APC: variants seen among roughly 807,000 people sequenced by gnomAD.
APC encodes APC regulator of Wnt signaling pathway.
In APC, 72 loss-of-function variants were observed where a neutral mutation model predicts 247.0. The observed-to-expected ratio is 0.29, with a 90% confidence interval of 0.24 to 0.35. The LOEUF is 0.35. Among genes scored for constraint, APC ranks in the 10% least tolerant of loss-of-function variants. APC has a pLI of 1.00. For missense variants in APC, 3,400 were observed against 3,360.7 expected (o/e 1.01, Z -0.29); for synonymous variants, 1,254 against 1,162.5 (o/e 1.08, Z -1.60).
In APC at chr5:112,841,824, C is replaced by T. The variant is rs755022193; in HGVS notation, c.6230C>T (p.Thr2077Ile). The T allele has an allele frequency of 3.7e-6, 6 of 1,613,894 alleles. No homozygotes were observed. Among genetic ancestry groups the T allele is most frequent in the East Asian group, 2.2e-5 (1 of 44,870 alleles). ...GGTGGCATATTAGGTGAAGATCTGA[C>T]ACTTGATTTGAAAGATATACAGAGA... ...NMGGILGEDL[T>I]LDLKDIQRPD... Residue 2077 changes from threonine (T) to isoleucine (I), a missense_variant, in exon 16 of 16, where the codon ACA (threonine) becomes ATA (isoleucine). Physicochemically the swap from Thr to Ile is moderately conservative, Grantham distance 89. Transcript: ENST00000257430. This position sits in a 1 kb window ranked among gnomAD's most constrained non-coding sequence, Gnocchi z 4.6.
intron 7 of APC, 65 bp downstream of exon 7, chr5:112,792,594 A>G: frequency 1.7e-6 from 2 of 1,192,234 alleles, no homozygotes; most frequent in Non-Finnish European, 1.2e-6. Flanking sequence ...AAAAGAAAAC[A>G]TGTATAATTT....
chr5:112,819,543 C>G (rs535600293), intron 10 of APC, among the ~76,000 whole-genome samples, 199 bp downstream of exon 10: 10 of 152,238 alleles, frequency 6.6e-5, no homozygotes, highest in Admixed American at 5.2e-4. Flanking sequence ...GTTATGTGCA[C>G]TACTATAAGA....
At position 112,756,175 on chromosome 5, in the gene APC, C is replaced by G. The variant is rs115110409; in HGVS notation, c.135+1150C>G. On this transcript the variant is annotated intron_variant, in intron 2 of 15. Transcript: ENST00000257430. ...GTCACTGAGGTAACTGTTTCTGCTT[C>G]TCTTTTACCCTTTATATTCAGTATC... Among the ~76,000 whole-genome samples the G allele has an allele frequency of 1.4e-4, 21 of 152,260 alleles. No individual in the cohort carries two copies. The highest frequency in any genetic ancestry group is 3.1e-4 in the Non-Finnish European group (21 of 68,026).
intron 1 of APC, among the ~76,000 whole-genome samples, chr5:112,751,748 T>C (rs1754398242): frequency 6.6e-6 from 1 of 152,022 alleles, no homozygotes; most frequent in East Asian, 1.9e-4. Context: ...TGAATAATGT[T>C]CCCTTTCTAA....
chr5:112,807,438 A>T (rs779057815), intron 8 of APC, among the ~76,000 whole-genome samples: 1 of 152,046 alleles, frequency 6.6e-6, no homozygotes, highest in Admixed American at 6.6e-5. Flanking sequence ...ATACTATACA[A>T]CTTACTCTTG....
chr5:112,753,574 A>G (rs1469421055), intron 1 of APC, among the ~76,000 whole-genome samples: 1 of 152,104 alleles, frequency 6.6e-6, no homozygotes, highest in African/African-American at 2.4e-5. Flanking sequence ...ATTTTTTTCA[A>G]CCAAAGACTT....
At chr5:112,738,153 G>C (rs1479578455) in intron 1 of APC, among the ~76,000 whole-genome samples, 1 of 152,146 alleles carries the variant, frequency 6.6e-6, no homozygotes, top group Non-Finnish European at 1.5e-5. Context: ...AGGGGGAGGG[G>C]TAGAAGTGTT....
At position 112,728,703 on chromosome 5, in the gene APC, GT is replaced by G. The variant is rs529683281; in HGVS notation, c.165+20831del. On this transcript the variant is annotated intron_variant, in intron 1 of 13. Transcript: ENST00000507379. ...ACTTTTTTATAAAGAGTATGACTTA[GT>G]TTTTTTTTTCCTGCAATCATATTTT... 1.8e-3 allele frequency among the ~76,000 whole-genome samples: 271 copies of G among 148,594 alleles called. 2 individuals are homozygous for G. The highest frequency in any genetic ancestry group is 0.015 in the South Asian group (71 of 4,672).
rs1766925020 is a variant in APC, at chr5:112,845,686, T to C, written c.*1560T>C. Reference sequence around the variant, plus strand: ...GGGGTACATGTTAAGTGTCCCCTTATACAGTGGAGGGAAGTCTTCCTTCCT... The same window carrying C: ...GGGGTACATGTTAAGTGTCCCCTTACACAGTGGAGGGAAGTCTTCCTTCCT... On this transcript the variant is annotated 3_prime_UTR_variant, in exon 16 of 16. Transcript: ENST00000257430. 1 of 232,118 alleles carries C rather than the reference T, an allele frequency of 4.3e-6. No individual in the cohort carries two copies. The highest frequency in any genetic ancestry group is 6.1e-5 in the East Asian group (1 of 16,404). 14.4% of individuals were successfully genotyped at this position (232,118 alleles called of 1,614,324 possible).
chr5:112,791,173 A>G (rs1303812637), intron 6 of APC, among the ~76,000 whole-genome samples: 1 of 152,182 alleles, frequency 6.6e-6, no homozygotes, highest in Non-Finnish European at 1.5e-5. Flanking sequence ...ACACACACAC[A>G]CAATATATTC....
chr5:112,838,256 G>C lies in APC; in HGVS notation c.2662G>C (p.Ala888Pro), dbSNP rs1554084353. Residue 888 changes from alanine to proline, a missense_variant, in exon 16 of 16, where the codon GCC (alanine) becomes CCC (proline). Coordinates refer to ENST00000257430, the MANE Select transcript of APC (RefSeq NM_000038.6). The part of the protein sequence containing the change: ...LQISTTAAQI[A>P]KVMEEVSAIH... ...GATCTCCACCACTGCAGCCCAGATT[G>C]CCAAAGTCATGGAAGAAGTGTCAGC... 1.2e-6 allele frequency: 2 copies of C among 1,614,080 alleles called. No homozygotes were observed. The highest frequency in any genetic ancestry group is 2.7e-5 in the African/African-American group (2 of 74,934).
chr5:112,770,490 A>C (rs1286958054), intron 4 of APC, among the ~76,000 whole-genome samples: 4 of 152,128 alleles, frequency 2.6e-5, no homozygotes, highest in Admixed American at 2.6e-4. Flanking sequence ...TTCTCCCAAA[A>C]TATGGCCCAA....
intron 6 of APC, among the ~76,000 whole-genome samples, chr5:112,787,231 G>T (rs1475661254): frequency 6.6e-6 from 1 of 152,116 alleles, no homozygotes; most frequent in Non-Finnish European, 1.5e-5. Flanking sequence ...GATAATTTAT[G>T]AACACAAATG....
intron 1 of APC, among the ~76,000 whole-genome samples, chr5:112,746,111 C>G (rs1753643937): frequency 1.3e-5 from 2 of 152,000 alleles, no homozygotes; most frequent in East Asian, 3.9e-4. Flanking sequence ...ATATACAACT[C>G]TGACAATACA....
At chr5:112,810,208 A>G (rs1023554568) in intron 8 of APC, 1 of 452,860 alleles carries the variant, frequency 2.2e-6, no homozygotes, top group Non-Finnish European at 4.4e-6. Context: ...TCAAAGAGAA[A>G]TGGAGAGAGA....
At chr5:112,809,912 G>T (rs566490525) in intron 8 of APC, among the ~76,000 whole-genome samples, 1 of 152,028 alleles carries the variant, frequency 6.6e-6, no homozygotes, top group African/African-American at 2.4e-5. Context: ...CAGGAGAATC[G>T]CTTGAACCCA....
intron 4 of APC, among the ~76,000 whole-genome samples, chr5:112,773,253 T>C (rs952257052): frequency 2.0e-5 from 3 of 152,182 alleles, no homozygotes; most frequent in African/African-American, 7.2e-5. Context: ...CTACTAAGAT[T>C]CATTCCCATA....
upstream of APC, chr5:112,707,515 C>T (rs1561393114): frequency 4.3e-6 from 2 of 464,828 alleles, no homozygotes; most frequent in Non-Finnish European, 7.9e-6. Context: ...AGTCTTCCCA[C>T]CTCCCACAAG....
rs373554138 is a variant in APC at position 112,729,182 on chromosome 5, G to A, written c.165+21300G>A. On this transcript the variant is annotated intron_variant, in intron 1 of 13. Transcript: ENST00000507379. Reference sequence around the variant, plus strand: ...TCATACATTGAACAAAAAGCACCAAGCACTGTTATAGATGCGAGGGAAAGA... The same window carrying A: ...TCATACATTGAACAAAAAGCACCAAACACTGTTATAGATGCGAGGGAAAGA... Among the ~76,000 whole-genome samples, 8 of 152,260 alleles carry A rather than the reference G, an allele frequency of 5.3e-5. No homozygotes were observed. The East Asian group carries it at 1.3e-3, about 26-fold the overall frequency.
Sources: allele counts gnomAD v4.1 joint callset (sites outside exome capture counted in the v4.1 genomes callset), GRCh38; gene constraint gnomAD v4.1.1; non-coding constraint Gnocchi (gnomAD v3.1); transcripts MANE v1.5; gene names NCBI Gene and HGNC (gene_info 2026-07-23, HGNC 2026-07-21).